KIF18B: variants seen among roughly 807,000 people sequenced by gnomAD.
The protein encoded by KIF18B is kinesin family member 18B.
KIF18B carries 49 observed loss-of-function variants against 80.9 expected under a neutral mutation model. The ratio of observed to expected loss-of-function variants is 0.61; its 90% CI spans 0.48 to 0.77. KIF18B has a LOEUF of 0.77. Ranked by LOEUF, KIF18B falls within the 30% of genes least tolerant of loss-of-function variation. KIF18B has a pLI of 0.00. For missense variants in KIF18B, 994 were observed against 1,127.7 expected, an observed-to-expected ratio of 0.88 and a Z score of 1.70; for synonymous variants, 439 against 463.9, an observed-to-expected ratio of 0.95 and a Z score of 0.69.
intron 1 of KIF18B, among the ~76,000 whole-genome samples, chr17:44,945,899 T>G (rs1016450335): frequency 3.6e-5 from 5 of 138,914 alleles, no homozygotes; most frequent in African/African-American, 1.3e-4. Context: ...AGGGAAATTC[T>G]GTCTCAGAAA....
Position 44,928,356 on chromosome 17 carries a change from C to A in KIF18B, c.1946G>T (p.Arg649Leu). ...SPMAPKRGTK[R>L]QRQSFLPCLR... ...GCAGGGCAGGAAGGACTGGCGCTGG[C>A]GCTTGGTGCCCCGCTTTGGGGCCAT... Residue 649 changes from arginine (R) to leucine (L), a missense_variant, in exon 13 of 16, where the codon CGC becomes CTC. Coordinates refer to ENST00000593135, the MANE Select transcript of KIF18B (RefSeq NM_001265577.2). 1 of 1,601,016 alleles carries A rather than the reference C, an allele frequency of 6.2e-7. No individual in the cohort carries two copies. The highest frequency in any genetic ancestry group is 8.5e-7 in the Non-Finnish European group (1 of 1,174,836).
chr17:44,935,488 A>G, intron 2 of KIF18B, 72 bp from the exon 3 acceptor site: 1 of 1,460,742 alleles, frequency 6.8e-7, no homozygotes, highest in Non-Finnish European at 9.2e-7. Flanking sequence ...TCCTCCCTCA[A>G]GCCCCTTTCC....
At chr17:44,931,989 A>G in intron 10 of KIF18B, 67 bp downstream of exon 10, 2 of 1,520,838 alleles carry the variant, frequency 1.3e-6, no homozygotes, top group Non-Finnish European at 1.8e-6. Context: ...AGGGAGAGGC[A>G]ATTTTTCCAA....
At chr17:44,926,258 G>C in intron 15 of KIF18B, 72 bp from the exon 16 acceptor site, 1 of 1,597,240 alleles carries the variant, frequency 6.3e-7, no homozygotes. Context: ...CCGTCCTCCA[G>C]CCCACCTCCC....
At position 44,936,307 on chromosome 17, in the gene KIF18B, C is replaced by T. The variant is rs778036739; in HGVS notation, c.38G>A (p.Arg13Gln). The stretch of plus-strand genomic sequence containing the variant: ...CTCCCGAGGGGTGGGGGGCCGCACC[C>T]GTACCACTACTTGCAGCGTGCTGTC... ...VEDSTLQVVV[R>Q]VRPPTPRELD... Residue 13 changes from arginine (R) to glutamine (Q), a missense_variant, in exon 2 of 16, where the codon CGG becomes CAG. Coordinates refer to ENST00000593135, the MANE Select transcript of KIF18B (RefSeq NM_001265577.2). 3 of 1,609,580 alleles carry T rather than the reference C, an allele frequency of 1.9e-6. No individual in the cohort carries two copies. Among genetic ancestry groups the T allele is most frequent in the Middle Eastern group, 1.7e-4 (1 of 6,002 alleles).
rs2052045705 is a variant in KIF18B, at chr17:44,927,104, G to A, written c.2277-26C>T. 3.2e-6 allele frequency: 5 copies of A among 1,567,362 alleles called. No individual in the cohort carries two copies. The highest frequency in any genetic ancestry group is 4.4e-6 in the Non-Finnish European group (5 of 1,149,172). ...CTGGGGAGGGAGGACAGGGAAGGAG[G>A]CTGATCAGCAGGGAACCGGAAGCAA... On this transcript the variant is annotated intron_variant, in intron 13 of 15. Coordinates refer to ENST00000593135, the MANE Select transcript of KIF18B (RefSeq NM_001265577.2). The surrounding 1 kb of genome is among the most constrained non-coding windows in gnomAD (Gnocchi z 4.1).
chr17:44,929,426 G>A (rs1038361130), intron 11 of KIF18B, among the ~76,000 whole-genome samples: 1 of 152,082 alleles, frequency 6.6e-6, no homozygotes, highest in African/African-American at 2.4e-5. Context: ...AGTGCAAAGG[G>A]GCAGTTAAGA....
chr17:44,935,251 C>G lies in KIF18B; in HGVS notation c.471+8G>C. 1 of 1,595,464 alleles carries G rather than the reference C, an allele frequency of 6.3e-7. No homozygotes were observed. The highest frequency in any genetic ancestry group is 8.6e-7 in the Non-Finnish European group (1 of 1,169,032). On this transcript the variant is annotated splice_region_variant and intron_variant, in intron 3 of 15. Transcript: ENST00000593135. Reference sequence around the variant, plus strand: ...GTGAGAACAAGGCCCAGGGCAGGGGCAGCCGACCTCCTGGTAGCTGATGAG... The same window carrying G: ...GTGAGAACAAGGCCCAGGGCAGGGGGAGCCGACCTCCTGGTAGCTGATGAG...
In KIF18B at chr17:44,926,983, C is replaced by G; in HGVS notation, c.2366+6G>C. The G allele has an allele frequency of 6.2e-7, 1 of 1,604,756 alleles. No homozygotes were observed. Among genetic ancestry groups the G allele is most frequent in the Non-Finnish European group, 8.5e-7 (1 of 1,175,616 alleles). Reference sequence around the variant, plus strand: ...TCCCAGACAGCTGACACCTCCCAAACCTCACCTCGCAACGCGCTTCTTCTT... The same window carrying G: ...TCCCAGACAGCTGACACCTCCCAAAGCTCACCTCGCAACGCGCTTCTTCTT... On this transcript the variant is annotated splice_donor_region_variant and intron_variant, in intron 14 of 15. Transcript: ENST00000593135.
intron 7 of KIF18B, among the ~76,000 whole-genome samples, chr17:44,933,663 T>C (rs1288488515): frequency 6.6e-6 from 1 of 152,002 alleles, no homozygotes; most frequent in African/African-American, 2.4e-5. Flanking sequence ...CAGCAGATTT[T>C]TGTATTTTTA....
intron 1 of KIF18B, among the ~76,000 whole-genome samples, chr17:44,946,366 A>G (rs1683757963): frequency 6.6e-6 from 1 of 152,184 alleles, no homozygotes. Context: ...TGGGCAGAGA[A>G]TGACTGGATA....
chr17:44,941,931 T>C (rs933136769), intron 1 of KIF18B, among the ~76,000 whole-genome samples: 2 of 152,164 alleles, frequency 1.3e-5, no homozygotes, highest in African/African-American at 4.8e-5. Flanking sequence ...CCTAATGAGA[T>C]GTTTTCCTTC....
intron 11 of KIF18B, among the ~76,000 whole-genome samples, chr17:44,931,254 C>T (rs2052139725): frequency 6.6e-6 from 1 of 152,232 alleles, no homozygotes; most frequent in Non-Finnish European, 1.5e-5. Context: ...GTTCAGCTTC[C>T]CTTGGCTGTC....
intron 1 of KIF18B, among the ~76,000 whole-genome samples, chr17:44,945,864 C>T (rs1376798595): frequency 2.0e-5 from 3 of 147,658 alleles, no homozygotes; most frequent in African/African-American, 7.6e-5. Flanking sequence ...TGAGGTGGTA[C>T]CATTGCACTC....
chr17:44,931,702 G>T lies in KIF18B; in HGVS notation c.1417C>A (p.Pro473Thr), dbSNP rs1305688846. Residue 473 changes from proline to threonine, a missense_variant, in exon 11 of 16, where the codon CCC (proline) becomes ACC (threonine). Transcript: ENST00000593135. ...GGGGACTCTGGCAGTGCATGTGTGG[G>T]GTTCTGCTCTGGCATCTGGGTTGGA... ...EVPTQMPEQNPTHALPESPRL... is the reference protein window; with the variant it reads ...EVPTQMPEQNTTHALPESPRL... The T allele has an allele frequency of 6.2e-7, 1 of 1,613,886 alleles. No homozygotes were observed. The highest frequency in any genetic ancestry group is 8.5e-7 in the Non-Finnish European group (1 of 1,179,896).
chr17:44,931,521 T>G, intron 11 of KIF18B, 81 bp downstream of exon 11: 1 of 1,591,140 alleles, frequency 6.3e-7, no homozygotes, highest in Non-Finnish European at 8.6e-7. Flanking sequence ...TGTGATGTGC[T>G]TAACACCAAT....
At position 44,928,943 on chromosome 17, in the gene KIF18B, G is replaced by C. The variant is rs770053675; in HGVS notation, c.1599C>G (p.Ile533Met). 1 of 1,613,994 alleles carries C rather than the reference G, an allele frequency of 6.2e-7. No homozygotes were observed. The highest frequency in any genetic ancestry group is 1.1e-5 in the South Asian group (1 of 91,082). The change falls in exon 12 of 16, where the codon ATC becomes ATG. Residue 533 changes from isoleucine to methionine, a missense_variant. Transcript: ENST00000593135. ...GCTGCTGTAGGGTCTCAAACTCTGTGATCATGTCGGGCGTCAGGAGGTTGG... is the reference window on the plus strand; with the variant it reads ...GCTGCTGTAGGGTCTCAAACTCTGTCATCATGTCGGGCGTCAGGAGGTTGG... ...QAANLLTPDM[I>M]TEFETLQQLV... is the part of the protein sequence containing the mutation.
At position 44,925,094 on chromosome 17, in the gene KIF18B, C is replaced by T. The variant is rs1254562503; in HGVS notation, c.*986G>A. The stretch of plus-strand genomic sequence containing the variant: ...CTGCCTGTGGCCATCACCGTGGGGC[C>T]TGTGTTAGAGACAGGTGGGGAAAAG... On this transcript the variant is annotated 3_prime_UTR_variant, in exon 16 of 16. Transcript: ENST00000593135. The T allele has an allele frequency of 6.6e-6, 1 of 152,178 alleles. No individual in the cohort carries two copies. Among genetic ancestry groups the T allele is most frequent in the Non-Finnish European group, 1.5e-5 (1 of 68,082 alleles). 9.4% of individuals were successfully genotyped at this position (152,178 alleles called of 1,614,324 possible).
chr17:44,928,680 A>G (rs992525693), intron 12 of KIF18B, 102 bp from the exon 13 acceptor site: 96 of 1,383,584 alleles, frequency 6.9e-5, no homozygotes, highest in Non-Finnish European at 8.6e-5. Flanking sequence ...CTCTGTGTGC[A>G]GAAGTCTAGG....
Sources: allele counts gnomAD v4.1 joint callset (sites outside exome capture counted in the v4.1 genomes callset), GRCh38; gene constraint gnomAD v4.1.1; non-coding constraint Gnocchi (gnomAD v3.1); transcripts MANE v1.5; gene names NCBI Gene and HGNC (gene_info 2026-07-23, HGNC 2026-07-21).